The following TNFAIP8L3 variants were observed in gnomAD, a reference collection of about 807,000 sequenced individuals.
TNFAIP8L3 encodes TNF alpha induced protein 8 like 3, also known as tumor necrosis factor alpha-induced protein 8-like protein 3.
In TNFAIP8L3, 7 loss-of-function variants were observed where a neutral mutation model predicts 11.8. That is an observed-to-expected ratio of 0.59 (90% confidence interval 0.34 to 1.11). TNFAIP8L3 has a LOEUF of 1.11. Ranked by LOEUF, TNFAIP8L3 falls within the 50% of genes most tolerant of loss-of-function variation. The pLI, the probability that TNFAIP8L3 is intolerant of heterozygous loss-of-function variation, is 0.03. For synonymous variants in TNFAIP8L3, 98 were observed against 103.8 expected (o/e 0.94, Z 0.34); for missense variants, 219 against 258.6 (o/e 0.85, Z 1.05).
intron 1 of TNFAIP8L3, among the ~76,000 whole-genome samples, chr15:51,066,692 G>A (rs1417805471): frequency 6.6e-6 from 1 of 152,138 alleles, no homozygotes; most frequent in Non-Finnish European, 1.5e-5. Flanking sequence ...TGGTATGCAG[G>A]ATGGGATATC....
At chr15:51,098,573 T>A (rs1165352376), upstream of TNFAIP8L3, among the ~76,000 whole-genome samples, 1 of 152,248 alleles carries the variant, frequency 6.6e-6, no homozygotes, top group Non-Finnish European at 1.5e-5. Context: ...GGAGCTTTCC[T>A]ATTTCTTTCT....
chr15:51,097,095 GC>G (rs2065518790), upstream of TNFAIP8L3, among the ~76,000 whole-genome samples: 1 of 152,100 alleles, frequency 6.6e-6, no homozygotes, highest in Admixed American at 6.5e-5. Flanking sequence ...TAAAGGTTGT[GC>G]CTAGATTCAA....
rs755189216 is a variant in TNFAIP8L3 at position 51,105,103 on chromosome 15, C to T, written c.74G>A (p.Trp25Ter). Residue 25 changes from tryptophan (W) to a stop codon, truncating the protein, a stop_gained, in exon 1 of 3, where the codon TGG (tryptophan) becomes TAG (stop). Transcript: ENST00000327536. LOFTEE classifies it high-confidence loss of function. ...TTGGGTCCCTGCATATCCGTTGACC[C>T]ACAGTTTCCCCTTTGGCTCTGCCTC... is the stretch of plus-strand genomic sequence containing the variant. 3.3e-5 allele frequency: 53 copies of T among 1,614,048 alleles called. No individual in the cohort carries two copies. Among genetic ancestry groups the T allele is most frequent in the Non-Finnish European group, 4.3e-5 (51 of 1,180,052 alleles).
In TNFAIP8L3 at chr15:51,101,107, G is replaced by A. The variant is rs775980986; in HGVS notation, c.172+3898C>T. ...CTTTGACAATTGCTATATCTCCTCT[G>A]TGACTCCAGCTCCTACCAAATGGAC... On this transcript the variant is annotated intron_variant, in intron 1 of 2. Coordinates refer to the TNFAIP8L3 transcript ENST00000327536. 1.2e-4 allele frequency among the ~76,000 whole-genome samples: 18 copies of A among 152,196 alleles called. 1 individual carries two copies. Among genetic ancestry groups the A allele is most frequent in the Admixed American group, 1.0e-3 (16 of 15,284 alleles).
chr15:51,078,650 A>T (rs1388051654), intron 1 of TNFAIP8L3, among the ~76,000 whole-genome samples: 1 of 151,118 alleles, frequency 6.6e-6, no homozygotes, highest in African/African-American at 2.4e-5. Flanking sequence ...TGCTTGCCTG[A>T]TCCCTCCCCC....
chr15:51,066,219 G>A (rs2065270711), intron 1 of TNFAIP8L3, among the ~76,000 whole-genome samples: 1 of 148,642 alleles, frequency 6.7e-6, no homozygotes, highest in Non-Finnish European at 1.5e-5. Flanking sequence ...CTGGAGGGCA[G>A]TGGCACAGTC....
In TNFAIP8L3 at chr15:51,090,666, T is replaced by G. The variant is rs568024723; in HGVS notation, c.52+3878A>C. Among the ~76,000 whole-genome samples, 5 of 152,270 alleles carry G rather than the reference T, an allele frequency of 3.3e-5. No individual in the cohort carries two copies. The East Asian group carries it at 5.8e-4, about 18-fold the overall frequency. ...TATTGAATCCTATCCATTCCTTCAG[T>G]TGGTTCATGTGGACCAAGCTAAGCA... On this transcript the variant is annotated intron_variant, in intron 1 of 1. Coordinates refer to ENST00000637513, the MANE Select transcript of TNFAIP8L3 (RefSeq NM_001311175.2).
upstream of TNFAIP8L3, among the ~76,000 whole-genome samples, chr15:51,098,711 G>A (rs8040954): frequency 0.46 from 69,593 of 152,146 alleles, 16,463 homozygotes; most frequent in East Asian, 0.84. Flanking sequence ...ACTAATTGCA[G>A]TCACGGTTAA....
At chr15:51,087,400 T>C (rs2065437225) in intron 1 of TNFAIP8L3, among the ~76,000 whole-genome samples, 1 of 152,158 alleles carries the variant, frequency 6.6e-6, no homozygotes, top group Non-Finnish European at 1.5e-5. Flanking sequence ...ATCAGGAGTG[T>C]GGGATGTGTG....
chr15:51,086,308 A>G (rs894639842), intron 1 of TNFAIP8L3, among the ~76,000 whole-genome samples: 3 of 152,152 alleles, frequency 2.0e-5, no homozygotes, highest in Non-Finnish European at 2.9e-5. Flanking sequence ...GCTTTGTGCT[A>G]ACTCTCCCAT....
intron 1 of TNFAIP8L3, among the ~76,000 whole-genome samples, chr15:51,084,578 C>T (rs1370097275): frequency 1.3e-5 from 2 of 152,148 alleles, no homozygotes; most frequent in Non-Finnish European, 2.9e-5. Flanking sequence ...GCTATGAGAA[C>T]ATGTGTGGAG....
chr15:51,072,034 T>C (rs1189008791), intron 1 of TNFAIP8L3, among the ~76,000 whole-genome samples: 1 of 152,252 alleles, frequency 6.6e-6, no homozygotes, highest in African/African-American at 2.4e-5. Flanking sequence ...CTTTTTTGTA[T>C]ATTTTGCTTA....
At chr15:51,072,827 C>T (rs2065320212) in intron 1 of TNFAIP8L3, among the ~76,000 whole-genome samples, 1 of 151,938 alleles carries the variant, frequency 6.6e-6, no homozygotes, top group South Asian at 2.1e-4. Flanking sequence ...TAATATAACT[C>T]GTAAGTCATG....
intron 1 of TNFAIP8L3, among the ~76,000 whole-genome samples, chr15:51,064,006 A>T (rs775317825): frequency 6.6e-6 from 1 of 152,202 alleles, no homozygotes; most frequent in Non-Finnish European, 1.5e-5. Context: ...CCTGCAAGTA[A>T]TTTGGGGTAC....
At chr15:51,061,172 T>C (rs2065240601) in intron 1 of TNFAIP8L3, among the ~76,000 whole-genome samples, 1 of 152,162 alleles carries the variant, frequency 6.6e-6, no homozygotes, top group Non-Finnish European at 1.5e-5. Context: ...AACATTTATT[T>C]TATTTTGTTT....
chr15:51,079,786 C>A (rs1209404244), intron 1 of TNFAIP8L3, among the ~76,000 whole-genome samples: 1 of 145,010 alleles, frequency 6.9e-6, no homozygotes, highest in African/African-American at 2.6e-5. Context: ...GAGTTCGAGG[C>A]TGCAGTGAGC....
chr15:51,086,506 T>TG (rs2065428583), intron 1 of TNFAIP8L3, among the ~76,000 whole-genome samples: 1 of 152,178 alleles, frequency 6.6e-6, no homozygotes, highest in African/African-American at 2.4e-5. Context: ...GGGAGCTGTG[T>TG]GGGGGATGCA....
intron 1 of TNFAIP8L3, among the ~76,000 whole-genome samples, chr15:51,091,413 G>A (rs1299539406): frequency 6.6e-6 from 1 of 152,160 alleles, no homozygotes. Flanking sequence ...CACCTTGAAG[G>A]GAAAAGGTTT....
chr15:51,097,503 A>T (rs1199198763), upstream of TNFAIP8L3, among the ~76,000 whole-genome samples: 1 of 152,230 alleles, frequency 6.6e-6, no homozygotes. Context: ...ATATTCATTC[A>T]TAGTATATTT....
Sources: allele counts gnomAD v4.1 joint callset (sites outside exome capture counted in the v4.1 genomes callset), GRCh38; gene constraint gnomAD v4.1.1; transcripts MANE v1.5; gene names NCBI Gene and HGNC (gene_info 2026-07-23, HGNC 2026-07-21).